TNFRSF10D: variants seen among roughly 807,000 people sequenced by gnomAD.
TNFRSF10D encodes the protein TNF receptor superfamily member 10d.
Under a neutral mutation model 42.1 loss-of-function variants are expected in TNFRSF10D, and 28 were observed. That is an observed-to-expected ratio of 0.66 (90% CI 0.49 to 0.91). The LOEUF (loss-of-function observed/expected upper bound fraction) is 0.91, where lower values mean the gene tolerates loss of function less well. Ranked by LOEUF, TNFRSF10D falls within the 40% of genes least tolerant of loss-of-function variation. The pLI is 0.00. For missense variants in TNFRSF10D, 503 were observed against 486.1 expected, an observed-to-expected ratio of 1.03 and a Z score of -0.33; for synonymous variants, 186 against 189.4, an observed-to-expected ratio of 0.98 and a Z score of 0.15.
chr8:23,144,518 G>T lies in TNFRSF10D; in HGVS notation c.886C>A (p.Gln296Lys), dbSNP rs61755336. The change falls in exon 7 of 9, where the codon CAA (glutamine) becomes AAA (lysine). Residue 296 changes from glutamine (Q) to lysine (K), a missense_variant. Gln to Lys is a moderately conservative substitution (Grantham distance 53). Coordinates refer to ENST00000312584, the MANE Select transcript of TNFRSF10D (RefSeq NM_003840.5). ...QPTQVSEQEI[Q>K]GQELAELTGV... ...GTTAGCTCTGCCAGCTCCTGACCTT[G>T]GATTTCCTGCTCAGAGACCTGGGTG... The T allele has an allele frequency of 2.6e-3, 4,236 of 1,613,908 alleles. 11 individuals carry two copies. In the African/African-American group the frequency reaches 0.037, roughly 14 times the overall value.
rs557200270 is a variant in TNFRSF10D at position 23,137,925 on chromosome 8, G to A, written c.1106C>T (p.Ser369Phe). 9.4e-5 allele frequency: 151 copies of A among 1,614,182 alleles called. No individual in the cohort carries two copies. The highest frequency in any genetic ancestry group is 1.2e-4 in the Non-Finnish European group (141 of 1,180,042). ...KETIQDQLVG[S>F]EKLFYEEDEA... ...ATCTTCTTCATAAAAGAGCTTTTCG[G>A]AGCCCACCAGTTGGTCCTGAATTGT... Residue 369 changes from serine to phenylalanine, a missense_variant, in exon 9 of 9, where the codon TCC becomes TTC. Transcript: ENST00000312584.
At chr8:23,140,402 AC>A (rs1814441584) in intron 7 of TNFRSF10D, among the ~76,000 whole-genome samples, 1 of 151,780 alleles carries the variant, frequency 6.6e-6, no homozygotes, top group African/African-American at 2.4e-5. Flanking sequence ...ACACACACAC[AC>A]ACACACACAC....
intron 2 of TNFRSF10D, among the ~76,000 whole-genome samples, chr8:23,149,938 CTTATAATTA>C (rs1800193463): frequency 6.6e-6 from 1 of 152,184 alleles, no homozygotes; most frequent in South Asian, 2.1e-4. Context: ...GGCAGGGCCT[CTTATAATTA>C]TCCCATTAGC....
chr8:23,160,238 C>T (rs1163577980), intron 1 of TNFRSF10D, among the ~76,000 whole-genome samples: 1 of 152,156 alleles, frequency 6.6e-6, no homozygotes, highest in Admixed American at 6.5e-5. Context: ...ATAAAGAGCT[C>T]ATTGTCTATT....
intron 5 of TNFRSF10D, 126 bp downstream of exon 5, chr8:23,145,538 AGAAG>A (rs1389101835): frequency 5.0e-6 from 7 of 1,406,424 alleles, no homozygotes; most frequent in Non-Finnish European, 6.8e-6. Flanking sequence ...GGCGATCACA[AGAAG>A]GAAGACCAAG....
chr8:23,154,982 G>C lies in TNFRSF10D; in HGVS notation c.151-3C>G. 1 of 1,607,466 alleles carries C rather than the reference G, an allele frequency of 6.2e-7. No homozygotes were observed. The highest frequency in any genetic ancestry group is 8.5e-7 in the Non-Finnish European group (1 of 1,176,764). ...ATGGTGGCAGAGTCAACCCGGACCT[G>C]TGGGGACAAGGCAGAGATGGGCTTG... On this transcript the variant is annotated splice_region_variant and splice_polypyrimidine_tract_variant and intron_variant, in intron 1 of 8. Coordinates refer to ENST00000312584, the MANE Select transcript of TNFRSF10D (RefSeq NM_003840.5).
chr8:23,144,763 C>T (rs1329416409), intron 6 of TNFRSF10D, 128 bp from the exon 7 acceptor site: 3 of 1,168,726 alleles, frequency 2.6e-6, no homozygotes, highest in Non-Finnish European at 3.6e-6. Flanking sequence ...AGGCTCAGCA[C>T]ATCCAGGACC....
Position 23,148,986 on chromosome 8 carries a change from C to G in TNFRSF10D, c.257-435G>C, listed in dbSNP as rs62501097. Among the ~76,000 whole-genome samples the G allele has an allele frequency of 9.5e-3, 1,435 of 151,442 alleles. 12 individuals are homozygous for G. Among genetic ancestry groups the G allele is most frequent in the African/African-American group, 0.017 (705 of 41,376 alleles). ...CGGACGAATCACGAGGTCAGGAGAT[C>G]GAGACCATCCTGGCTAACACAGTGA... On this transcript the variant is annotated intron_variant, in intron 2 of 8. Coordinates refer to ENST00000312584, the MANE Select transcript of TNFRSF10D (RefSeq NM_003840.5).
At chr8:23,143,344 CGCG>C (rs1563355654) in intron 7 of TNFRSF10D, among the ~76,000 whole-genome samples, 521 of 147,186 alleles carry the variant, frequency 3.5e-3, no homozygotes, top group African/African-American at 0.011. Context: ...AAATGTGCAG[CGCG>C]GCCAGGTGCA....
intron 7 of TNFRSF10D, among the ~76,000 whole-genome samples, chr8:23,140,404 ACACACACAC>A (rs1814441687): frequency 6.6e-6 from 1 of 151,688 alleles, no homozygotes; most frequent in African/African-American, 2.4e-5. Flanking sequence ...ACACACACAC[ACACACACAC>A]ACACAATACC....
At chr8:23,147,906 C>CA (rs535228155) in intron 3 of TNFRSF10D, among the ~76,000 whole-genome samples, 6 of 149,984 alleles carry the variant, frequency 4.0e-5, no homozygotes, top group African/African-American at 9.8e-5. Context: ...ACTAAAAATA[C>CA]AAAAAAAAAT....
In TNFRSF10D at chr8:23,163,824, G is replaced by C; in HGVS notation, c.112C>G (p.Leu38Val). Residue 38 changes from leucine (L) to valine (V), a missense_variant, in exon 1 of 9, where the codon CTT becomes GTT. Coordinates refer to ENST00000312584, the MANE Select transcript of TNFRSF10D (RefSeq NM_003840.5). ...GCGACGATGAAGACGACGAACTTAA[G>C]GATCTTGGGGTCCAGGAGCCATGGT... The part of the protein sequence containing the change: ...TRPWLLDPKI[L>V]KFVVFIVAVL... 1 of 1,609,156 alleles carries C rather than the reference G, an allele frequency of 6.2e-7. No individual in the cohort carries two copies.
Position 23,148,423 on chromosome 8 carries a change from C to CCA in TNFRSF10D, c.370+13_370+14dup, listed in dbSNP as rs1214093990. ...TGCACTCCACCTCTGGGCAAGGGGT[C>CCA]CACACATTCTGTACCTGATTTACAA... On this transcript the variant is annotated intron_variant, in intron 3 of 8. Coordinates refer to ENST00000312584, the MANE Select transcript of TNFRSF10D (RefSeq NM_003840.5). 3.1e-6 allele frequency: 5 copies of CCA among 1,595,872 alleles called. No homozygotes were observed. The South Asian group carries it at 5.5e-5, about 18-fold the overall frequency.
Position 23,148,506 on chromosome 8 carries a change from T to C in TNFRSF10D, c.302A>G (p.Glu101Gly), listed in dbSNP as rs1281566780. The C allele has an allele frequency of 1.2e-6, 2 of 1,610,924 alleles. No homozygotes were observed. The highest frequency in any genetic ancestry group is 3.3e-5 in the Admixed American group (2 of 59,902). Reference sequence around the variant, plus strand: ...GGAAGCAATGGTGTAATCCACACCCTCTGTGCACGGGTTACAGGCTCCAGT... The same window carrying C: ...GGAAGCAATGGTGTAATCCACACCCCCTGTGCACGGGTTACAGGCTCCAGT... The part of the protein sequence containing the change: ...EYTGACNPCT[E>G]GVDYTIASNN... Residue 101 changes from glutamate (E) to glycine (G), a missense_variant, in exon 3 of 9, where the codon GAG becomes GGG. By Grantham distance (98) the Glu-to-Gly change is moderately conservative. Transcript: ENST00000312584.
rs114532349 is a variant in TNFRSF10D at position 23,137,758 on chromosome 8, T to G, written c.*112A>C. The G allele has an allele frequency of 1.6e-3, 2,189 of 1,389,312 alleles. No homozygotes were observed. In the African/African-American group the frequency reaches 0.019, roughly 12 times the overall value. 86.1% of individuals were successfully genotyped at this position (1,389,312 alleles called of 1,614,324 possible). A position where few individuals can be genotyped will look rare whatever the true frequency, so the allele number is the denominator to read the frequency against. On this transcript the variant is annotated 3_prime_UTR_variant, in exon 9 of 9. Transcript: ENST00000312584. The stretch of plus-strand genomic sequence containing the variant: ...CATTGGTAAGCTGCCCCATATTGGA[T>G]AGTAGAGTTTGTTGGGGCATGGGTC...
In TNFRSF10D at chr8:23,135,718, C is replaced by T. The variant is rs1814311115; in HGVS notation, c.*2152G>A. Reference sequence around the variant, plus strand: ...ACAAATCAACCAACGCCAAAAAACCCCAACAATTTCATGTTGTCAGGAAGC... The same window carrying T: ...ACAAATCAACCAACGCCAAAAAACCTCAACAATTTCATGTTGTCAGGAAGC... On this transcript the variant is annotated 3_prime_UTR_variant, in exon 9 of 9. Transcript: ENST00000312584. 1 of 288,956 alleles carries T rather than the reference C, an allele frequency of 3.5e-6. No homozygotes were observed. Among genetic ancestry groups the T allele is most frequent in the Non-Finnish European group, 6.9e-6 (1 of 144,792 alleles). 17.9% of individuals were successfully genotyped at this position (288,956 alleles called of 1,614,324 possible). A position where few individuals can be genotyped will look rare whatever the true frequency, so the allele number is the denominator to read the frequency against.
intron 1 of TNFRSF10D, among the ~76,000 whole-genome samples, chr8:23,160,284 G>A (rs1176463461): frequency 1.3e-5 from 2 of 152,196 alleles, no homozygotes; most frequent in African/African-American, 4.8e-5. Context: ...AGCCCATGAG[G>A]TGAGCGCAGT....
Position 23,163,898 on chromosome 8 carries a change from CTCGAGGCGG to C in TNFRSF10D, c.29_37del (p.Thr10_Ser12del), listed in dbSNP as rs762773034. The C allele has an allele frequency of 2.5e-6, 4 of 1,591,664 alleles. No individual in the cohort carries two copies. Among genetic ancestry groups the C allele is most frequent in the Non-Finnish European group, 3.4e-6 (4 of 1,171,718 alleles). ...TCCTGGATAGCGCCCTGCTCGAGCG[CTCGAGGCGG>C]TCGGGACGCTTTGTCCCCAAAGTCC... is the stretch of plus-strand genomic sequence containing the variant. On this transcript the variant is annotated inframe_deletion, in exon 1 of 9. Coordinates refer to ENST00000312584, the MANE Select transcript of TNFRSF10D (RefSeq NM_003840.5).
chr8:23,153,550 G>A (rs572168270), intron 2 of TNFRSF10D, among the ~76,000 whole-genome samples: 4 of 152,002 alleles, frequency 2.6e-5, no homozygotes, highest in Non-Finnish European at 5.9e-5. Context: ...TAAAACGGAC[G>A]CATGGGCAAG....
Sources: allele counts gnomAD v4.1 joint callset (sites outside exome capture counted in the v4.1 genomes callset), GRCh38; gene constraint gnomAD v4.1.1; transcripts MANE v1.5; gene names NCBI Gene and HGNC (gene_info 2026-07-23, HGNC 2026-07-21).